The following MYO5B variants were observed in gnomAD, a reference collection of about 807,000 sequenced individuals.
MYO5B encodes the protein myosin VB.
In MYO5B, 143 loss-of-function variants were observed where a neutral mutation model predicts 229.3. That is an observed-to-expected ratio of 0.62 (90% confidence interval 0.54 to 0.72). The LOEUF is 0.72. MYO5B is among the 30% of genes least tolerant of loss of function. The pLI is 0.00. For missense variants in MYO5B, 2,321 were observed against 2,331.0 expected, an observed-to-expected ratio of 1.00 and a Z score of 0.09; for synonymous variants, 918 against 885.2, an observed-to-expected ratio of 1.04 and a Z score of -0.66.
At chr18:49,891,548 G>A (rs938869500) in intron 22 of MYO5B, among the ~76,000 whole-genome samples, 4 of 152,180 alleles carry the variant, frequency 2.6e-5, no homozygotes, top group African/African-American at 9.7e-5. Context: ...GAAGGACCAT[G>A]AGCTTCTGTG....
intron 5 of MYO5B, among the ~76,000 whole-genome samples, chr18:50,000,775 CA>C (rs1308211645): frequency 1.2e-4 from 19 of 152,194 alleles, no homozygotes; most frequent in African/African-American, 4.3e-4. Flanking sequence ...TCTAGGTTAT[CA>C]CATACCTTTT....
At chr18:50,132,876 C>T (rs1407924568) in intron 1 of MYO5B, among the ~76,000 whole-genome samples, 1 of 152,198 alleles carries the variant, frequency 6.6e-6, no homozygotes, top group Non-Finnish European at 1.5e-5. Flanking sequence ...TGCTTTCCTC[C>T]ACCTCCTTCT....
At chr18:49,883,438 T>C (rs1020298843) in intron 22 of MYO5B, among the ~76,000 whole-genome samples, 14 of 152,148 alleles carry the variant, frequency 9.2e-5, no homozygotes, top group African/African-American at 2.9e-4. Flanking sequence ...AAGAGAAGTA[T>C]AAAATTCATA....
chr18:49,974,641 CAGG>C, intron 9 of MYO5B, 26 bp from the exon 10 acceptor site: 1 of 1,608,776 alleles, frequency 6.2e-7, no homozygotes, highest in Non-Finnish European at 8.5e-7. Flanking sequence ...GAGATAGGTT[CAGG>C]AGGAGTGTGG....
chr18:50,116,399 T>C (rs191744443), intron 1 of MYO5B, among the ~76,000 whole-genome samples: 48 of 152,050 alleles, frequency 3.2e-4, no homozygotes, highest in African/African-American at 1.1e-3. Context: ...GTTCCCCAAA[T>C]CCAAAAGAGG....
At chr18:49,903,909 T>C (rs1025181944) in intron 20 of MYO5B, among the ~76,000 whole-genome samples, 1 of 152,262 alleles carries the variant, frequency 6.6e-6, no homozygotes. Flanking sequence ...GACCTCACCA[T>C]GTTGGGCTTC....
intron 9 of MYO5B, among the ~76,000 whole-genome samples, chr18:49,978,745 A>ACACACACACACACAC (rs1871979069): frequency 3.6e-5 from 5 of 138,334 alleles, no homozygotes; most frequent in African/African-American, 1.1e-4. Flanking sequence ...ACACACACAC[A>ACACACACACACACAC]AAATGCTCAG....
intron 1 of MYO5B, among the ~76,000 whole-genome samples, chr18:50,160,983 T>C (rs1185460246): frequency 6.6e-6 from 1 of 152,216 alleles, no homozygotes; most frequent in Non-Finnish European, 1.5e-5. Flanking sequence ...CGCCCTGTCC[T>C]GGGCTCTCAA....
chr18:49,982,479 C>T (rs955319520), intron 8 of MYO5B, among the ~76,000 whole-genome samples: 1 of 152,182 alleles, frequency 6.6e-6, no homozygotes, highest in Non-Finnish European at 1.5e-5. Context: ...TAGTTAGGAT[C>T]CTCGCACTAC....
chr18:50,138,378 G>T (rs990861274), intron 1 of MYO5B, among the ~76,000 whole-genome samples: 1 of 152,158 alleles, frequency 6.6e-6, no homozygotes, highest in African/African-American at 2.4e-5. Flanking sequence ...TTGGGAAGAA[G>T]TTACAGGAGA....
chr18:49,903,846 G>T (rs1459164097), intron 20 of MYO5B, among the ~76,000 whole-genome samples: 2 of 152,344 alleles, frequency 1.3e-5, no homozygotes, highest in South Asian at 2.1e-4. Flanking sequence ...GGCTTCACTG[G>T]AACAACACAA....
chr18:49,880,627 C>A, intron 22 of MYO5B, 172 bp from the exon 23 acceptor site: 1 of 653,700 alleles, frequency 1.5e-6, no homozygotes, highest in East Asian at 2.7e-5. Flanking sequence ...AGAAAAATCC[C>A]ATTAAAACAA....
At chr18:49,932,173 C>A (rs1455962559) in intron 16 of MYO5B, among the ~76,000 whole-genome samples, 1 of 152,190 alleles carries the variant, frequency 6.6e-6, no homozygotes, top group African/African-American at 2.4e-5. Flanking sequence ...TGTCCCCTCC[C>A]TCTCTGTTCT....
intron 2 of MYO5B, among the ~76,000 whole-genome samples, 184 bp downstream of exon 2, chr18:50,055,084 G>C (rs1220743017): frequency 3.9e-5 from 6 of 152,150 alleles, no homozygotes; most frequent in Non-Finnish European, 8.8e-5. Flanking sequence ...GACATCCATA[G>C]AGCAGCTTCC....
At chr18:49,865,390 C>A (rs564238946) in intron 27 of MYO5B, among the ~76,000 whole-genome samples, 2 of 152,286 alleles carry the variant, frequency 1.3e-5, no homozygotes, top group South Asian at 4.1e-4. Flanking sequence ...AGTAACTCTG[C>A]AGACATGATG....
intron 22 of MYO5B, 113 bp downstream of exon 22, chr18:49,894,828 G>C (rs2024758829): frequency 3.3e-6 from 3 of 905,156 alleles, no homozygotes; most frequent in Non-Finnish European, 5.3e-6. Context: ...CTGTGCACAT[G>C]AGCCCAAGAC....
intron 4 of MYO5B, among the ~76,000 whole-genome samples, chr18:50,015,864 T>C (rs773995999): frequency 6.6e-6 from 1 of 152,240 alleles, no homozygotes; most frequent in Non-Finnish European, 1.5e-5. Flanking sequence ...TTGTGCTCCA[T>C]GGGATATTTG....
intron 26 of MYO5B, 91 bp downstream of exon 26, chr18:49,875,596 G>A (rs1598849742): frequency 9.7e-6 from 15 of 1,554,306 alleles, no homozygotes; most frequent in Non-Finnish European, 1.3e-5. Flanking sequence ...ACAATCCCAT[G>A]TGGTCACACA....
At chr18:50,002,672 T>G (rs1225291443) in intron 4 of MYO5B, among the ~76,000 whole-genome samples, 1 of 152,202 alleles carries the variant, frequency 6.6e-6, no homozygotes, top group African/African-American at 2.4e-5. Context: ...ACAAACCCAC[T>G]GTCAAGAGGG....
Sources: allele counts gnomAD v4.1 joint callset (sites outside exome capture counted in the v4.1 genomes callset), GRCh38; gene constraint gnomAD v4.1.1; transcripts MANE v1.5; gene names NCBI Gene and HGNC (gene_info 2026-07-23, HGNC 2026-07-21).